Variants in PID1 observed in about 807,000 individuals in gnomAD.
PID1 encodes phosphotyrosine interaction domain containing 1.
A neutral mutation model predicts 19.1 loss-of-function variants in PID1; 10 were observed. That is an observed-to-expected ratio of 0.52 (90% CI 0.32 to 0.89). The LOEUF is 0.89. Among genes scored for constraint, PID1 ranks in the 40% least tolerant of loss-of-function variants. The pLI, the probability that PID1 is intolerant of heterozygous loss-of-function variation, is 0.03. For synonymous variants in PID1, 130 were observed against 116.0 expected (o/e 1.12, Z -0.78); for missense variants, 248 against 285.3 (o/e 0.87, Z 0.94).
intron 2 of PID1, among the ~76,000 whole-genome samples, chr2:229,030,961 T>C (rs1693536491): frequency 1.3e-5 from 2 of 152,142 alleles, no homozygotes; most frequent in South Asian, 4.1e-4. Context: ...CTCACACCTA[T>C]AATCCCAGCA....
At chr2:229,077,211 C>A (rs1050540495) in intron 2 of PID1, among the ~76,000 whole-genome samples, 1 of 152,066 alleles carries the variant, frequency 6.6e-6, no homozygotes, top group Non-Finnish European at 1.5e-5. Context: ...TGTTCATATC[C>A]TTCGCCAACT....
chr2:229,192,502 AATT>A (rs2106232691), intron 1 of PID1, among the ~76,000 whole-genome samples: 1 of 152,336 alleles, frequency 6.6e-6, no homozygotes, highest in East Asian at 1.9e-4. Context: ...ATAAAAAAGA[AATT>A]ATTATTGAGC....
chr2:229,049,785 A>G (rs1042034091), intron 2 of PID1, among the ~76,000 whole-genome samples: 1 of 152,182 alleles, frequency 6.6e-6, no homozygotes, highest in African/African-American at 2.4e-5. Context: ...AAAATCAGGA[A>G]AAGTCATCGA....
At chr2:229,216,651 G>C (rs541186909) in intron 1 of PID1, among the ~76,000 whole-genome samples, 1 of 152,086 alleles carries the variant, frequency 6.6e-6, no homozygotes, top group African/African-American at 2.4e-5. Context: ...AAACTATACA[G>C]GTTTTTACAA....
At chr2:229,219,518 T>C (rs1691919488) in intron 1 of PID1, among the ~76,000 whole-genome samples, 1 of 152,126 alleles carries the variant, frequency 6.6e-6, no homozygotes, top group South Asian at 2.1e-4. Context: ...GGAACGACAG[T>C]TCAAGATGAG....
chr2:229,131,820 C>T (rs1689746812), intron 2 of PID1, among the ~76,000 whole-genome samples: 1 of 151,902 alleles, frequency 6.6e-6, no homozygotes. Flanking sequence ...AACAAGACTC[C>T]GTCTCGGTGG....
At chr2:229,156,009 CT>C in intron 1 of PID1, 45 bp from the exon 2 acceptor site, 1 of 1,573,440 alleles carries the variant, frequency 6.4e-7, no homozygotes, top group Middle Eastern at 2.1e-4. Flanking sequence ...ATCACTTGGA[CT>C]TTTATGTCCT....
At chr2:229,191,515 A>G (rs1691259859) in intron 1 of PID1, among the ~76,000 whole-genome samples, 1 of 152,208 alleles carries the variant, frequency 6.6e-6, no homozygotes, top group Non-Finnish European at 1.5e-5. Context: ...CAGTGCCTCA[A>G]AGAGATCTTC....
intron 2 of PID1, among the ~76,000 whole-genome samples, chr2:229,113,094 A>T (rs1695332063): frequency 6.6e-6 from 1 of 152,128 alleles, no homozygotes. Context: ...GATTGAAGCT[A>T]TGGAAATTTG....
At chr2:229,236,391 G>T (rs1214603449) in intron 1 of PID1, 1 of 152,100 alleles carries the variant, frequency 6.6e-6, no homozygotes, top group Non-Finnish European at 1.5e-5. Flanking sequence ...AGATAGAGTG[G>T]TCAGTCGCAG....
chr2:229,118,034 T>A (rs1007697089), intron 2 of PID1, among the ~76,000 whole-genome samples: 1 of 152,176 alleles, frequency 6.6e-6, no homozygotes, highest in Non-Finnish European at 1.5e-5. Context: ...GAGGCTGGGA[T>A]ACTTAGGATT....
At chr2:229,255,232 A>G (rs1690260863) in intron 1 of PID1, among the ~76,000 whole-genome samples, 1 of 152,142 alleles carries the variant, frequency 6.6e-6, no homozygotes, top group African/African-American at 2.4e-5. Flanking sequence ...GATCTAATTC[A>G]TTGTTCTATA....
At chr2:229,130,622 C>G (rs909848835) in intron 2 of PID1, among the ~76,000 whole-genome samples, 3 of 152,002 alleles carry the variant, frequency 2.0e-5, no homozygotes, top group Non-Finnish European at 4.4e-5. Flanking sequence ...TTTAGAGGCT[C>G]GTCAAAGTTC....
At chr2:229,091,314 A>G (rs1694872818) in intron 2 of PID1, among the ~76,000 whole-genome samples, 1 of 152,064 alleles carries the variant, frequency 6.6e-6, no homozygotes, top group Non-Finnish European at 1.5e-5. Flanking sequence ...ACAAATAAGT[A>G]AGAGAGTCTA....
intron 2 of PID1, among the ~76,000 whole-genome samples, chr2:229,060,270 A>G (rs1168786068): frequency 6.6e-6 from 1 of 152,056 alleles, no homozygotes; most frequent in Non-Finnish European, 1.5e-5. Flanking sequence ...ATGTCTCCCC[A>G]TTCCCTATCT....
chr2:229,121,265 C>G (rs1226897654), intron 2 of PID1, among the ~76,000 whole-genome samples: 1 of 152,094 alleles, frequency 6.6e-6, no homozygotes, highest in Non-Finnish European at 1.5e-5. Context: ...GGGTCTCAGA[C>G]AGTAATTTTT....
intron 2 of PID1, among the ~76,000 whole-genome samples, chr2:229,132,691 A>T (rs917341324): frequency 2.0e-5 from 3 of 152,170 alleles, no homozygotes; most frequent in African/African-American, 7.2e-5. Flanking sequence ...TATGAGACAA[A>T]CTCTTTAATT....
chr2:229,164,178 A>G (rs889588148), intron 1 of PID1, among the ~76,000 whole-genome samples: 3 of 152,266 alleles, frequency 2.0e-5, no homozygotes, highest in Non-Finnish European at 4.4e-5. Flanking sequence ...TTTTATAGTC[A>G]TTGTATGCCT....
chr2:229,238,990 G>C (rs909562931), intron 1 of PID1, among the ~76,000 whole-genome samples: 3 of 151,822 alleles, frequency 2.0e-5, no homozygotes, highest in African/African-American at 7.3e-5. Flanking sequence ...TTGAAAAGTG[G>C]TTTATTCAAC....
Sources: allele counts gnomAD v4.1 joint callset (sites outside exome capture counted in the v4.1 genomes callset), GRCh38; gene constraint gnomAD v4.1.1; transcripts MANE v1.5; gene names NCBI Gene and HGNC (gene_info 2026-07-23, HGNC 2026-07-21).